TTC27: variants seen among roughly 807,000 people sequenced by gnomAD.
TTC27 encodes the protein tetratricopeptide repeat domain 27, also known as tetratricopeptide repeat protein 27.
TTC27 carries 79 observed loss-of-function variants against 115.9 expected under a neutral mutation model. The ratio of observed to expected loss-of-function variants is 0.68; its 90% CI spans 0.57 to 0.82. TTC27 has a LOEUF of 0.82. Among genes scored for constraint, TTC27 ranks in the 40% least tolerant of loss-of-function variants. TTC27 has a pLI of 0.00. For synonymous variants in TTC27, 401 were observed against 356.0 expected (o/e 1.13, Z -1.42); for missense variants, 1,054 against 993.1 (o/e 1.06, Z -0.82).
chr2:32,696,791 T>C (rs1310555229), intron 9 of TTC27, among the ~76,000 whole-genome samples: 1 of 152,224 alleles, frequency 6.6e-6, no homozygotes. Context: ...ATGCCTAGAT[T>C]TACTTTTTTC....
At chr2:32,712,435 A>G (rs1056323065) in intron 10 of TTC27, among the ~76,000 whole-genome samples, 4 of 152,316 alleles carry the variant, frequency 2.6e-5, no homozygotes. Flanking sequence ...GCTTGAAATA[A>G]AATAAGATTA....
intron 16 of TTC27, among the ~76,000 whole-genome samples, chr2:32,794,127 TTCTACCCAACA>T (rs1670625577): frequency 6.6e-6 from 1 of 152,202 alleles, no homozygotes; most frequent in Admixed American, 6.5e-5. Context: ...ATATAAAACA[TTCTACCCAACA>T]ACAGCATACG....
intron 12 of TTC27, among the ~76,000 whole-genome samples, chr2:32,751,419 T>G (rs1399298873): frequency 6.6e-6 from 1 of 152,164 alleles, no homozygotes; most frequent in East Asian, 1.9e-4. Context: ...TCAGGGGCTT[T>G]TGCTTGGCCC....
intron 12 of TTC27, among the ~76,000 whole-genome samples, chr2:32,749,869 T>C (rs7595006): frequency 0.057 from 8,686 of 152,138 alleles, 250 homozygotes; most frequent in Middle Eastern, 0.095. Flanking sequence ...TATATGTTAC[T>C]ACCAAATGGA....
At position 32,778,437 on chromosome 2, in the gene TTC27, A is replaced by G. The variant is rs1670069954; in HGVS notation, c.1779+457A>G. Among the ~76,000 whole-genome samples the G allele has an allele frequency of 2.0e-5, 3 of 152,188 alleles. No individual in the cohort carries two copies. In the South Asian group the frequency reaches 6.2e-4, roughly 32 times the overall value. On this transcript the variant is annotated intron_variant, in intron 14 of 19. Coordinates refer to ENST00000317907, the MANE Select transcript of TTC27 (RefSeq NM_017735.5). ...AACCGTCCACTACAATTAGCTTTAG[A>G]TCATCTTTATTACCCTAAAGAGAAA...
At chr2:32,791,965 G>A (rs1304369764) in intron 16 of TTC27, among the ~76,000 whole-genome samples, 1 of 152,148 alleles carries the variant, frequency 6.6e-6, no homozygotes, top group South Asian at 2.1e-4. Context: ...ACCCCAAACA[G>A]TTATGGAACA....
At chr2:32,670,882 G>A (rs1240188609) in intron 7 of TTC27, among the ~76,000 whole-genome samples, 1 of 148,996 alleles carries the variant, frequency 6.7e-6, no homozygotes, top group Non-Finnish European at 1.5e-5. Flanking sequence ...GCCTCCTAAA[G>A]TGCTGGTATT....
chr2:32,814,127 T>C (rs764956114), intron 18 of TTC27, among the ~76,000 whole-genome samples: 7 of 152,248 alleles, frequency 4.6e-5, no homozygotes, highest in African/African-American at 9.6e-5. Flanking sequence ...ACTCTAAGCA[T>C]TTCTATGAAC....
intron 17 of TTC27, 69 bp downstream of exon 17, chr2:32,811,290 A>G (rs926250602): frequency 2.1e-6 from 3 of 1,405,802 alleles, no homozygotes; most frequent in Middle Eastern, 2.1e-4. Context: ...TACTTTTTTG[A>G]TGGGTGGAGG....
At chr2:32,814,300 A>G (rs1166059646) in intron 18 of TTC27, among the ~76,000 whole-genome samples, 3 of 152,222 alleles carry the variant, frequency 2.0e-5, no homozygotes, top group African/African-American at 7.2e-5. Flanking sequence ...TATTTTCTTC[A>G]TCAGGGCAAT....
rs565563959 is a variant in TTC27, at chr2:32,638,534, A to G, written c.397-1736A>G. 1.6e-4 allele frequency among the ~76,000 whole-genome samples: 24 copies of G among 151,984 alleles called. No individual in the cohort carries two copies. The East Asian group carries it at 4.7e-3, about 30-fold the overall frequency. ...GCTGGGATTACAGGCATGTGCCACT[A>G]TGCCCGGCTAATTTTTGTATTTTTA... On this transcript the variant is annotated intron_variant, in intron 3 of 19. Coordinates refer to ENST00000317907, the MANE Select transcript of TTC27 (RefSeq NM_017735.5).
intron 16 of TTC27, among the ~76,000 whole-genome samples, chr2:32,796,077 A>G (rs1322926016): frequency 6.6e-6 from 1 of 152,214 alleles, no homozygotes; most frequent in Non-Finnish European, 1.5e-5. Flanking sequence ...TCCACGAAAA[A>G]GCTGTTAGAA....
At chr2:32,729,516 C>A (rs1329268193) in intron 10 of TTC27, among the ~76,000 whole-genome samples, 1 of 149,066 alleles carries the variant, frequency 6.7e-6, no homozygotes, top group African/African-American at 2.4e-5. Flanking sequence ...TCTTTATGCA[C>A]AAATACATAT....
intron 8 of TTC27, among the ~76,000 whole-genome samples, chr2:32,675,081 A>G: frequency 6.6e-6 from 1 of 152,234 alleles, no homozygotes; most frequent in East Asian, 1.9e-4. Context: ...GGTAGGCATT[A>G]TACCATGTAC....
chr2:32,643,115 G>A (rs1664718137), intron 4 of TTC27, among the ~76,000 whole-genome samples: 1 of 151,892 alleles, frequency 6.6e-6, no homozygotes, highest in Non-Finnish European at 1.5e-5. Flanking sequence ...GACTACAGGT[G>A]TGCACCACCA....
intron 4 of TTC27, among the ~76,000 whole-genome samples, chr2:32,649,422 A>T (rs1208186136): frequency 6.6e-6 from 1 of 151,742 alleles, no homozygotes; most frequent in Non-Finnish European, 1.5e-5. Context: ...AATTACAGAT[A>T]ATGTGCTGGA....
intron 16 of TTC27, among the ~76,000 whole-genome samples, chr2:32,790,016 C>T (rs1278978173): frequency 6.9e-6 from 1 of 145,446 alleles, no homozygotes; most frequent in Admixed American, 6.9e-5. Flanking sequence ...TGCATTTGAG[C>T]ATTTTTCAGA....
At position 32,727,039 on chromosome 2, in the gene TTC27, G is replaced by A. The variant is rs1457679656; in HGVS notation, c.1234-6789G>A. On this transcript the variant is annotated intron_variant, in intron 10 of 19. Coordinates refer to ENST00000317907, the MANE Select transcript of TTC27 (RefSeq NM_017735.5). ...CCCCGTGATTCAATTACCTCCCACC[G>A]GGTCCCTCCCACAACATGTGGGAAT... Among the ~76,000 whole-genome samples the A allele has an allele frequency of 3.3e-5, 5 of 152,108 alleles. No individual in the cohort carries two copies. The East Asian group carries it at 9.6e-4, about 29-fold the overall frequency.
chr2:32,659,782 C>T lies in TTC27; in HGVS notation c.641-4521C>T, dbSNP rs193254139. On this transcript the variant is annotated intron_variant, in intron 5 of 19. Coordinates refer to ENST00000317907, the MANE Select transcript of TTC27 (RefSeq NM_017735.5). ...CATGCAGTGTTTGGTTTTCTGTTCC[C>T]GTGTTAGTTTGCTGAGAATGATGGT... Among the ~76,000 whole-genome samples the T allele has an allele frequency of 4.7e-4, 71 of 152,090 alleles. No homozygotes were observed. In the East Asian group the frequency reaches 0.01, roughly 22 times the overall value.
Sources: gnomAD v4.1 joint callset for allele counts (sites outside exome capture counted in the v4.1 genomes callset) on GRCh38, gnomAD v4.1.1 for gene constraint, MANE v1.5 for transcripts, NCBI Gene and HGNC (gene_info 2026-07-23, HGNC 2026-07-21) for gene names.